The following AFG1L variants were observed in gnomAD, a reference collection of about 807,000 sequenced individuals.
AFG1L encodes AFG1 like ATPase, also known as AFG1-like ATPase.
AFG1L carries 53 observed loss-of-function variants against 62.2 expected under a neutral mutation model. The ratio of observed to expected loss-of-function variants is 0.85; its 90% CI spans 0.68 to 1.07. The LOEUF (loss-of-function observed/expected upper bound fraction) is 1.07. Ranked by LOEUF, AFG1L falls within the 50% of genes least tolerant of loss-of-function variation. The pLI, the probability that AFG1L is intolerant of heterozygous loss-of-function variation, is 0.00. For synonymous variants in AFG1L, 228 were observed against 210.3 expected, an observed-to-expected ratio of 1.08 and a Z score of -0.73; for missense variants, 555 against 590.5, an observed-to-expected ratio of 0.94 and a Z score of 0.62.
intron 7 of AFG1L, among the ~76,000 whole-genome samples, chr6:108,442,938 A>T (rs1771611308): frequency 6.6e-6 from 1 of 152,162 alleles, no homozygotes; most frequent in South Asian, 2.1e-4. Context: ...TATGCCCTGG[A>T]TGCAGATGAT....
chr6:108,334,067 G>T (rs1340173790), intron 2 of AFG1L, among the ~76,000 whole-genome samples: 2 of 152,146 alleles, frequency 1.3e-5, no homozygotes, highest in Non-Finnish European at 2.9e-5. Flanking sequence ...GAGTTCAGTG[G>T]TGCGATCTCG....
At chr6:108,422,159 T>G (rs1481089488) in intron 7 of AFG1L, among the ~76,000 whole-genome samples, 4 of 151,974 alleles carry the variant, frequency 2.6e-5, no homozygotes, top group Non-Finnish European at 5.9e-5. Flanking sequence ...GTTAAAAATA[T>G]TAGTAGCTTT....
At chr6:108,467,068 A>G (rs1772704201) in intron 8 of AFG1L, among the ~76,000 whole-genome samples, 1 of 152,096 alleles carries the variant, frequency 6.6e-6, no homozygotes, top group Non-Finnish European at 1.5e-5. Flanking sequence ...CTTGAAATTG[A>G]TTTAGGATGC....
chr6:108,464,952 G>C, intron 8 of AFG1L, among the ~76,000 whole-genome samples: 1 of 152,238 alleles, frequency 6.6e-6, no homozygotes, highest in Non-Finnish European at 1.5e-5. Context: ...CAATTACTCA[G>C]AATGGAGCTG....
chr6:108,493,424 C>A (rs1372044108), intron 10 of AFG1L, among the ~76,000 whole-genome samples: 1 of 152,162 alleles, frequency 6.6e-6, no homozygotes, highest in African/African-American at 2.4e-5. Context: ...GACTGCCCCT[C>A]ACACTACAGT....
chr6:108,301,858 A>G (rs991248331), intron 1 of AFG1L, among the ~76,000 whole-genome samples: 1 of 152,170 alleles, frequency 6.6e-6, no homozygotes, highest in Non-Finnish European at 1.5e-5. Flanking sequence ...TCTTCTGAGT[A>G]GCAACCAGAG....
intron 7 of AFG1L, among the ~76,000 whole-genome samples, chr6:108,437,800 T>C (rs756135393): frequency 1.3e-5 from 2 of 152,090 alleles, no homozygotes; most frequent in Non-Finnish European, 2.9e-5. Flanking sequence ...AAATGAATTA[T>C]GTAAGTTGTG....
intron 6 of AFG1L, among the ~76,000 whole-genome samples, chr6:108,389,516 C>T (rs1392665909): frequency 6.6e-6 from 1 of 152,142 alleles, no homozygotes; most frequent in Non-Finnish European, 1.5e-5. Flanking sequence ...TGGCTAGTAC[C>T]AGTTGTTCCT....
intron 7 of AFG1L, among the ~76,000 whole-genome samples, chr6:108,421,411 G>A (rs1356587353): frequency 2.0e-5 from 3 of 152,118 alleles, no homozygotes; most frequent in Non-Finnish European, 4.4e-5. Flanking sequence ...AATAACACTG[G>A]CCGAAGCTGG....
At chr6:108,415,721 T>C (rs950338497) in intron 7 of AFG1L, among the ~76,000 whole-genome samples, 1 of 152,188 alleles carries the variant, frequency 6.6e-6, no homozygotes, top group African/African-American at 2.4e-5. Flanking sequence ...TAGCCATATG[T>C]AGAAAGCTGA....
At chr6:108,455,519 T>C (rs1772221441) in intron 8 of AFG1L, among the ~76,000 whole-genome samples, 1 of 152,236 alleles carries the variant, frequency 6.6e-6, no homozygotes, top group South Asian at 2.1e-4. Flanking sequence ...CATTATTTCC[T>C]TTCTTCTGCT....
intron 2 of AFG1L, among the ~76,000 whole-genome samples, chr6:108,338,504 TTTTA>T (rs1253069429): frequency 6.6e-6 from 1 of 152,204 alleles, no homozygotes; most frequent in Non-Finnish European, 1.5e-5. Flanking sequence ...GTTTTTTATT[TTTTA>T]TTTTTTTGTA....
Position 108,524,800 on chromosome 6 carries a change from A to G in AFG1L, c.*2375A>G, listed in dbSNP as rs1322572817. 1 of 152,220 alleles carries G rather than the reference A, an allele frequency of 6.6e-6. No homozygotes were observed. The highest frequency in any genetic ancestry group is 2.4e-5 in the African/African-American group (1 of 41,442). The allele number at this position is 152,220 out of a possible 1,614,324, so 9.4% of individuals were successfully genotyped here. On this transcript the variant is annotated 3_prime_UTR_variant, in exon 13 of 13. Transcript: ENST00000368977. ...TTCCATGGTGGCTGGAAATCTCCAA[A>G]GCTGGTTTCATAAAATAGCATGCAA... is the stretch of plus-strand genomic sequence containing the variant.
chr6:108,459,390 T>G (rs1772371061), intron 8 of AFG1L, among the ~76,000 whole-genome samples: 1 of 152,228 alleles, frequency 6.6e-6, no homozygotes. Flanking sequence ...TGAACTGATT[T>G]GTTTCCCTTT....
At chr6:108,355,593 T>C (rs531154843) in intron 3 of AFG1L, 61 bp from the exon 4 acceptor site, 2 of 805,512 alleles carry the variant, frequency 2.5e-6, no homozygotes, top group East Asian at 3.1e-5. Flanking sequence ...TAATGAACAA[T>C]CATTACAGCA....
chr6:108,346,186 A>C (rs1403860716), intron 2 of AFG1L, among the ~76,000 whole-genome samples: 2 of 152,160 alleles, frequency 1.3e-5, no homozygotes, highest in African/African-American at 4.8e-5. Flanking sequence ...AAGATTTACC[A>C]TCTTAATCAT....
chr6:108,514,764 A>G (rs1171787885), intron 11 of AFG1L, among the ~76,000 whole-genome samples: 1 of 152,238 alleles, frequency 6.6e-6, no homozygotes, highest in African/African-American at 2.4e-5. Context: ...TCTCACATGC[A>G]GAGACACACA....
chr6:108,317,605 A>G (rs1388912419), intron 1 of AFG1L, among the ~76,000 whole-genome samples: 3 of 152,232 alleles, frequency 2.0e-5, no homozygotes, highest in Non-Finnish European at 4.4e-5. Flanking sequence ...AAGGGATTGT[A>G]GAAACTTGGC....
At chr6:108,513,329 G>T (rs1774739471) in intron 11 of AFG1L, among the ~76,000 whole-genome samples, 1 of 152,250 alleles carries the variant, frequency 6.6e-6, no homozygotes, top group Non-Finnish European at 1.5e-5. Context: ...GCCTCACCCG[G>T]GAAGCACAAG....
Sources: gnomAD v4.1 joint callset for allele counts (sites outside exome capture counted in the v4.1 genomes callset) on GRCh38, gnomAD v4.1.1 for gene constraint, MANE v1.5 for transcripts, NCBI Gene and HGNC (gene_info 2026-07-23, HGNC 2026-07-21) for gene names.